DRC2: variants seen among roughly 807,000 people sequenced by gnomAD.
DRC2 encodes coiled-coil domain containing 65.
the DRC2 span, chr12:48,921,006 C>A: frequency 6.2e-7 from 1 of 1,613,804 alleles, no homozygotes; most frequent in South Asian, 1.1e-5. Flanking sequence ...CCTTTTTATT[C>A]ATCAGTATTG....
At chr12:48,907,296 G>C in the DRC2 span, among the ~76,000 whole-genome samples, 1 of 152,190 alleles carries the variant, frequency 6.6e-6, no homozygotes, top group East Asian at 1.9e-4. Context: ...GGAATGCTAA[G>C]TTTGTGGGAG....
chr12:48,918,940 G>A, the DRC2 span: 1 of 1,527,868 alleles, frequency 6.5e-7, no homozygotes, highest in African/African-American at 1.4e-5. Flanking sequence ...ATAAAGTCAA[G>A]GAACCTGCCT....
chr12:48,912,715 G>A, the DRC2 span, among the ~76,000 whole-genome samples: 1 of 152,134 alleles, frequency 6.6e-6, no homozygotes, highest in South Asian at 2.1e-4. Context: ...AGAATTGTAG[G>A]ATGGGAGATA....
At chr12:48,919,738 G>A in the DRC2 span, among the ~76,000 whole-genome samples, 2 of 151,618 alleles carry the variant, frequency 1.3e-5, no homozygotes, top group Admixed American at 6.6e-5. Flanking sequence ...GGACGTTCTC[G>A]AACTCCTGAC....
chr12:48,904,220 G>C, the DRC2 span: 47 of 1,408,210 alleles, frequency 3.3e-5, no homozygotes, highest in Middle Eastern at 1.1e-3. Context: ...TCCCACAACC[G>C]CCCACAACCA....
At chr12:48,904,169 A>T in the DRC2 span, 2 of 820,492 alleles carry the variant, frequency 2.4e-6, no homozygotes, top group Admixed American at 4.9e-5. Context: ...AGCCTCACTG[A>T]TAGCCGGGGA....
At chr12:48,911,004 T>G in the DRC2 span, among the ~76,000 whole-genome samples, 2 of 152,112 alleles carry the variant, frequency 1.3e-5, no homozygotes, top group African/African-American at 4.8e-5. Flanking sequence ...AAGATTGTGC[T>G]CATATATGTA....
chr12:48,914,095 T>TTTCG, the DRC2 span, among the ~76,000 whole-genome samples: 1 of 151,928 alleles, frequency 6.6e-6, no homozygotes, highest in Non-Finnish European at 1.5e-5. Flanking sequence ...TTATGGGTTT[T>TTTCG]TTTGTTTGTT....
At chr12:48,918,739 G>C in the DRC2 span, 1 of 1,614,008 alleles carries the variant, frequency 6.2e-7, no homozygotes, top group Non-Finnish European at 8.5e-7. Context: ...TGAGAGTGAA[G>C]ATGAGAACCG....
chr12:48,915,942 C>CTGCAATCTCG, the DRC2 span, among the ~76,000 whole-genome samples: 2 of 146,894 alleles, frequency 1.4e-5, no homozygotes. Flanking sequence ...CGGGCAGAGG[C>CTGCAATCTCG]GCTCCTCACA....
the DRC2 span, among the ~76,000 whole-genome samples, chr12:48,907,545 A>G: frequency 6.6e-6 from 1 of 152,186 alleles, no homozygotes; most frequent in African/African-American, 2.4e-5. Context: ...GACTACACAT[A>G]TTAAATGTGG....
the DRC2 span, among the ~76,000 whole-genome samples, chr12:48,913,667 T>C: frequency 1.3e-5 from 2 of 152,024 alleles, no homozygotes; most frequent in Non-Finnish European, 1.5e-5. Flanking sequence ...AATTTTTTTT[T>C]CTTATTTTTA....
chr12:48,909,300 C>A, the DRC2 span, among the ~76,000 whole-genome samples: 49,418 of 151,780 alleles, frequency 0.33, 9,075 homozygotes, highest in Admixed American at 0.47. Flanking sequence ...GCCTTGGCCT[C>A]CCAAAGTGCT....
At chr12:48,914,499 G>C in the DRC2 span, 4 of 1,614,184 alleles carry the variant, frequency 2.5e-6, no homozygotes, top group Non-Finnish European at 3.4e-6. Context: ...CCCTGCAGAG[G>C]CACCGGCTCA....
At chr12:48,920,706 A>C in the DRC2 span, among the ~76,000 whole-genome samples, 1 of 151,714 alleles carries the variant, frequency 6.6e-6, no homozygotes, top group African/African-American at 2.4e-5. Flanking sequence ...TTTTTTGTAG[A>C]GATGGGGTCT....
chr12:48,905,055 T>C, the DRC2 span: 22 of 1,613,910 alleles, frequency 1.4e-5, no homozygotes, highest in Non-Finnish European at 1.7e-5. Flanking sequence ...CATAAGGACA[T>C]TGAGATCCTC....
the DRC2 span, among the ~76,000 whole-genome samples, chr12:48,913,150 A>AC: frequency 1.3e-5 from 2 of 150,354 alleles, no homozygotes; most frequent in Non-Finnish European, 3.0e-5. Flanking sequence ...AAAAAAAAAA[A>AC]AAAAGATACC....
the DRC2 span, chr12:48,921,300 C>T: frequency 6.2e-7 from 1 of 1,614,216 alleles, no homozygotes; most frequent in South Asian, 1.1e-5. Context: ...GATGCTGAAG[C>T]AGTACTTGGA....
the DRC2 span, among the ~76,000 whole-genome samples, chr12:48,916,246 G>T: frequency 6.6e-6 from 1 of 152,172 alleles, no homozygotes; most frequent in Non-Finnish European, 1.5e-5. Context: ...GGCCAAGGCA[G>T]GCGGCTGGGA....
Sources: gnomAD v4.1 joint callset for allele counts (sites outside exome capture counted in the v4.1 genomes callset) on GRCh38, gnomAD v4.1.1 for gene constraint, MANE v1.5 for transcripts, NCBI Gene and HGNC (gene_info 2026-07-23, HGNC 2026-07-21) for gene names.